UMAD1: variants seen among roughly 807,000 people sequenced by gnomAD.
UMAD1 encodes the protein UBAP1-MVB12-associated (UMA)-domain containing protein 1.
UMAD1 carries 8 observed loss-of-function variants against 6.1 expected under a neutral mutation model. The observed-to-expected ratio is 1.30, with a 90% confidence interval of 0.76 to 2.35. The LOEUF (loss-of-function observed/expected upper bound fraction) is 2.35. UMAD1 is among the 30% of genes most tolerant of loss of function. UMAD1 has a pLI of 0.00. For missense variants in UMAD1, 130 were observed against 78.4 expected, an observed-to-expected ratio of 1.66 and a Z score of -2.49; for synonymous variants, 56 against 31.4, an observed-to-expected ratio of 1.78 and a Z score of -2.61.
At chr7:7,753,963 C>G (rs904254328) in intron 2 of UMAD1, among the ~76,000 whole-genome samples, 1 of 152,094 alleles carries the variant, frequency 6.6e-6, no homozygotes, top group African/African-American at 2.4e-5. Flanking sequence ...ACGGGTGGAT[C>G]ACCTGAGGTC....
chr7:7,768,336 T>C (rs1345878350), intron 2 of UMAD1, among the ~76,000 whole-genome samples: 2 of 152,238 alleles, frequency 1.3e-5, no homozygotes, highest in Non-Finnish European at 2.9e-5. Flanking sequence ...AGGGATTTCC[T>C]CATTTCTTAA....
chr7:7,813,257 C>A (rs1260098049), intron 3 of UMAD1, among the ~76,000 whole-genome samples: 35 of 152,100 alleles, frequency 2.3e-4, no homozygotes, highest in Non-Finnish European at 3.7e-4. Context: ...GCTCTGTCGC[C>A]CAGGCTGGAC....
intron 3 of UMAD1, among the ~76,000 whole-genome samples, chr7:7,867,899 C>G (rs1210454151): frequency 6.6e-6 from 1 of 152,058 alleles, no homozygotes; most frequent in Non-Finnish European, 1.5e-5. Context: ...GGATCTGCAG[C>G]CCTGGAAGCT....
chr7:7,811,713 T>G (rs1783025467), intron 3 of UMAD1, among the ~76,000 whole-genome samples: 1 of 152,202 alleles, frequency 6.6e-6, no homozygotes, highest in Non-Finnish European at 1.5e-5. Flanking sequence ...AATCTGCTGC[T>G]TAATGAAGAG....
At chr7:7,734,834 A>G (rs1339901230) in intron 2 of UMAD1, among the ~76,000 whole-genome samples, 1 of 152,176 alleles carries the variant, frequency 6.6e-6, no homozygotes, top group Non-Finnish European at 1.5e-5. Context: ...TTTCATACAT[A>G]AAACAATGTG....
At chr7:7,758,347 G>C (rs886132212) in intron 2 of UMAD1, among the ~76,000 whole-genome samples, 6 of 152,168 alleles carry the variant, frequency 3.9e-5, no homozygotes, top group African/African-American at 1.2e-4. Flanking sequence ...ATTTCCCTCT[G>C]TTTATGCTGA....
At chr7:7,847,075 A>C (rs1583869197) in intron 3 of UMAD1, among the ~76,000 whole-genome samples, 1 of 87,992 alleles carries the variant, frequency 1.1e-5, no homozygotes, top group Non-Finnish European at 2.4e-5. Flanking sequence ...AAAAAAAAAA[A>C]AGACAGCAAT....
intron 2 of UMAD1, among the ~76,000 whole-genome samples, chr7:7,788,922 C>G (rs146581776): frequency 5.3e-5 from 8 of 152,310 alleles, no homozygotes; most frequent in African/African-American, 1.9e-4. Flanking sequence ...TCTCCATAAT[C>G]TGTAACTGTG....
intron 1 of UMAD1, among the ~76,000 whole-genome samples, chr7:7,650,943 T>G (rs1359138273): frequency 6.6e-6 from 1 of 152,216 alleles, no homozygotes; most frequent in South Asian, 2.1e-4. Context: ...ATAGTCAGAT[T>G]TGTTGTACTC....
At chr7:7,825,379 C>G (rs1783319723) in intron 3 of UMAD1, among the ~76,000 whole-genome samples, 2 of 152,020 alleles carry the variant, frequency 1.3e-5, no homozygotes, top group Admixed American at 6.6e-5. Context: ...TAAAAACATA[C>G]CTGAGACTGG....
intron 2 of UMAD1, among the ~76,000 whole-genome samples, chr7:7,695,883 G>A (rs1329359602): frequency 6.6e-6 from 1 of 151,860 alleles, no homozygotes; most frequent in Admixed American, 6.6e-5. Context: ...CTAATGGTTG[G>A]ATTTAGTATC....
intron 3 of UMAD1, among the ~76,000 whole-genome samples, chr7:7,827,143 A>C (rs76756756): frequency 7.4e-6 from 1 of 135,140 alleles, no homozygotes; most frequent in East Asian, 2.1e-4. Context: ...ATATATATAT[A>C]TATATGTGTG....
At chr7:7,715,500 A>C (rs891306806) in intron 2 of UMAD1, among the ~76,000 whole-genome samples, 1 of 152,184 alleles carries the variant, frequency 6.6e-6, no homozygotes, top group Non-Finnish European at 1.5e-5. Flanking sequence ...ATAAACATTC[A>C]TGCATTCCGA....
At chr7:7,730,118 A>T (rs772362492) in intron 2 of UMAD1, among the ~76,000 whole-genome samples, 7 of 152,194 alleles carry the variant, frequency 4.6e-5, no homozygotes, top group African/African-American at 7.2e-5. Flanking sequence ...CACAACTGTC[A>T]TATGGGCACG....
intron 2 of UMAD1, chr7:7,736,840 C>T (rs77523102): frequency 0.082 from 12,422 of 152,296 alleles, 564 homozygotes; most frequent in African/African-American, 0.13. Flanking sequence ...CATCCTTTAC[C>T]AATGCATCTC....
intron 2 of UMAD1, among the ~76,000 whole-genome samples, chr7:7,785,213 C>T (rs1462173615): frequency 6.6e-6 from 1 of 152,130 alleles, no homozygotes; most frequent in Non-Finnish European, 1.5e-5. Context: ...ACTTTCTGAA[C>T]AGTGGTTTGG....
At chr7:7,775,739 GCTGTTTGTA>G (rs1262271296) in intron 2 of UMAD1, among the ~76,000 whole-genome samples, 2 of 152,166 alleles carry the variant, frequency 1.3e-5, no homozygotes, top group Non-Finnish European at 2.9e-5. Context: ...TGGAAGTTTG[GCTGTTTGTA>G]AAGGAGGTAA....
chr7:7,706,175 G>C (rs965150543), intron 2 of UMAD1, among the ~76,000 whole-genome samples: 9 of 152,092 alleles, frequency 5.9e-5, no homozygotes, highest in Non-Finnish European at 1.3e-4. Context: ...GGAAGAGAGA[G>C]TAATTAGTGA....
Position 7,662,998 on chromosome 7 carries a change from G to C in UMAD1, c.-63-10311G>C, listed in dbSNP as rs1056088190. On this transcript the variant is annotated intron_variant, in intron 1 of 3. Coordinates refer to ENST00000682710, the MANE Select transcript of UMAD1 (RefSeq NM_001302348.2). ...CTCAAAAAAATTTAAAGAAGTGTGT[G>C]AGTGCTTTGAAAAAGCCTTTTTTGC... Among the ~76,000 whole-genome samples, 4 of 107,090 alleles carry C rather than the reference G, an allele frequency of 3.7e-5. No homozygotes were observed. The Admixed American group carries it at 4.2e-4, about 11-fold the overall frequency. The allele number at this position is 107,090 out of a possible 152,430, so 70.3% of individuals were successfully genotyped here. A position where few individuals can be genotyped will look rare whatever the true frequency, so the allele number is the denominator to read the frequency against.
Sources: gnomAD v4.1 joint callset for allele counts (sites outside exome capture counted in the v4.1 genomes callset) on GRCh38, gnomAD v4.1.1 for gene constraint, MANE v1.5 for transcripts, NCBI Gene and HGNC (gene_info 2026-07-23, HGNC 2026-07-21) for gene names.